Variants in NSUN3 observed in about 807,000 individuals in gnomAD.
NSUN3 encodes tRNA (cytosine(34)-C(5))-methyltransferase, mitochondrial.
NSUN3 carries 24 observed loss-of-function variants against 36.8 expected under a neutral mutation model. The observed-to-expected ratio is 0.65, with a 90% CI of 0.47 to 0.92. The LOEUF is 0.92. Among genes scored for constraint, NSUN3 ranks in the 40% least tolerant of loss-of-function variants. The pLI is 0.00. For missense variants in NSUN3, 381 were observed against 392.8 expected (o/e 0.97, Z 0.25); for synonymous variants, 146 against 145.2 (o/e 1.01, Z -0.04).
Position 94,131,701 on chromosome 3 carries a change from A to T in NSUN3, c.*5211A>T, listed in dbSNP as rs150169654. ...AGAGTAATTGATATTACTTTCTGTG[A>T]CACTGAGTTACTTTCAAAATAGCTT... On this transcript the variant is annotated 3_prime_UTR_variant, in exon 6 of 6. Coordinates refer to ENST00000314622, the MANE Select transcript of NSUN3 (RefSeq NM_022072.5). 7.5e-4 allele frequency among the ~76,000 whole-genome samples: 114 copies of T among 152,346 alleles called. 1 individual carries two copies. The highest frequency in any genetic ancestry group is 2.6e-3 in the African/African-American group (107 of 41,578).
intron 5 of NSUN3, among the ~76,000 whole-genome samples, chr3:94,114,964 T>C (rs2077433512): frequency 6.6e-6 from 1 of 152,130 alleles, no homozygotes; most frequent in African/African-American, 2.4e-5. Context: ...TTTTTCTTGC[T>C]GCTCTATTCT....
At chr3:94,114,632 A>G (rs950684861) in intron 5 of NSUN3, among the ~76,000 whole-genome samples, 1 of 152,142 alleles carries the variant, frequency 6.6e-6, no homozygotes, top group Non-Finnish European at 1.5e-5. Context: ...ATTGTATTTT[A>G]GATTCGGGGG....
chr3:94,096,855 C>G (rs1402241844), intron 5 of NSUN3, among the ~76,000 whole-genome samples: 2 of 152,112 alleles, frequency 1.3e-5, no homozygotes, highest in Non-Finnish European at 2.9e-5. Context: ...TTCCTTACAC[C>G]TGTAACAGAT....
At chr3:94,071,835 T>C (rs2077225615) in intron 2 of NSUN3, among the ~76,000 whole-genome samples, 1 of 152,104 alleles carries the variant, frequency 6.6e-6, no homozygotes, top group African/African-American at 2.4e-5. Context: ...ACATTCCCTC[T>C]ACTGCCTGCT....
chr3:94,068,533 A>T (rs1048611008), intron 2 of NSUN3, among the ~76,000 whole-genome samples: 2 of 152,222 alleles, frequency 1.3e-5, no homozygotes, highest in Middle Eastern at 3.2e-3. Flanking sequence ...AGCACTGAGA[A>T]TACAAAAATG....
intron 5 of NSUN3, among the ~76,000 whole-genome samples, chr3:94,124,668 C>T (rs553702313): frequency 6.6e-6 from 1 of 152,094 alleles, no homozygotes; most frequent in Non-Finnish European, 1.5e-5. Flanking sequence ...CTTTATGGAC[C>T]CTGTCTGTAA....
intron 5 of NSUN3, among the ~76,000 whole-genome samples, chr3:94,106,134 A>G (rs2077387861): frequency 6.6e-6 from 1 of 152,170 alleles, no homozygotes; most frequent in East Asian, 1.9e-4. Context: ...CCAATAATAA[A>G]TATGTTAAAA....
At chr3:94,125,432 T>A (rs1029354573) in intron 5 of NSUN3, among the ~76,000 whole-genome samples, 2 of 152,158 alleles carry the variant, frequency 1.3e-5, no homozygotes, top group Non-Finnish European at 2.9e-5. Flanking sequence ...GATCTTTGAT[T>A]TGGGGTCTAA....
chr3:94,101,311 T>G (rs1028869480), intron 5 of NSUN3, among the ~76,000 whole-genome samples: 3 of 152,150 alleles, frequency 2.0e-5, no homozygotes, highest in Non-Finnish European at 4.4e-5. Context: ...AATTTTTTTT[T>G]TAAACTGTTA....
At chr3:94,116,142 G>A (rs912607093) in intron 5 of NSUN3, among the ~76,000 whole-genome samples, 2 of 152,010 alleles carry the variant, frequency 1.3e-5, no homozygotes, top group Non-Finnish European at 2.9e-5. Context: ...CTATCCTTTA[G>A]TTGGAAGCCT....
intron 2 of NSUN3, among the ~76,000 whole-genome samples, chr3:94,077,471 T>C (rs549685793): frequency 7.5e-4 from 114 of 152,290 alleles, no homozygotes; most frequent in African/African-American, 2.7e-3. Context: ...TTAGGGAGGA[T>C]TCCCTCTTTT....
chr3:94,126,730 C>A lies in NSUN3; in HGVS notation c.*240C>A. ...ATGGTGTTTGTTCTATATTATAAAT[C>A]TGCTGTCTTTGCTTGGCATTTTATA... On this transcript the variant is annotated 3_prime_UTR_variant, in exon 6 of 6. Transcript: ENST00000314622. The A allele has an allele frequency of 2.5e-6, 1 of 398,668 alleles. No homozygotes were observed. The highest frequency in any genetic ancestry group is 4.5e-6 in the Non-Finnish European group (1 of 223,928). The allele number at this position is 398,668 out of a possible 1,614,324, so 24.7% of individuals were successfully genotyped here. A position where few individuals can be genotyped will look rare whatever the true frequency, so the allele number is the denominator to read the frequency against.
At chr3:94,093,534 A>G (rs1021265517) in intron 3 of NSUN3, among the ~76,000 whole-genome samples, 1 of 152,060 alleles carries the variant, frequency 6.6e-6, no homozygotes, top group Non-Finnish European at 1.5e-5. Context: ...GCTGGGAGAA[A>G]GAATAAATAA....
In NSUN3 at chr3:94,084,202, G is replaced by A; in HGVS notation, c.218G>A (p.Gly73Asp). 1 of 1,614,038 alleles carries A rather than the reference G, an allele frequency of 6.2e-7. No individual in the cohort carries two copies. Among genetic ancestry groups the A allele is most frequent in the Non-Finnish European group, 8.5e-7 (1 of 1,179,968 alleles). Residue 73 changes from glycine to aspartate, a missense_variant, in exon 3 of 6, where the codon GGC (glycine) becomes GAC (aspartate). Coordinates refer to ENST00000314622, the MANE Select transcript of NSUN3 (RefSeq NM_022072.5). ...CTGGAAAAGGATTTACATTTGAAGG[G>A]CTATCACACACTCTCTCAGGGATCT... ...FELEKDLHLKGYHTLSQGSLP... is the reference protein window; with the variant it reads ...FELEKDLHLKDYHTLSQGSLP...
chr3:94,122,163 A>C (rs2077465687), intron 5 of NSUN3, among the ~76,000 whole-genome samples: 2 of 152,108 alleles, frequency 1.3e-5, no homozygotes, highest in South Asian at 4.2e-4. Context: ...AAAAAAAAAA[A>C]AAAAAAAACA....
At chr3:94,116,053 T>C (rs914424261) in intron 5 of NSUN3, among the ~76,000 whole-genome samples, 2 of 152,234 alleles carry the variant, frequency 1.3e-5, no homozygotes, top group African/African-American at 2.4e-5. Flanking sequence ...ATTGAACTTA[T>C]GCTATAATTA....
At chr3:94,109,273 A>T (rs2077405480) in intron 5 of NSUN3, among the ~76,000 whole-genome samples, 1 of 152,208 alleles carries the variant, frequency 6.6e-6, no homozygotes, top group African/African-American at 2.4e-5. Context: ...GAACTTTCTG[A>T]GCATCTAGAA....
Position 94,083,881 on chromosome 3 carries a change from C to T in NSUN3, c.123-226C>T, listed in dbSNP as rs759947890. On this transcript the variant is annotated intron_variant, in intron 2 of 5. Transcript: ENST00000314622. ...TTAGTTTTTGAAAAGCCACAGTGAA[C>T]GAAATACCAGTTTTTAAAATAAAGA... 7.9e-5 allele frequency among the ~76,000 whole-genome samples: 12 copies of T among 152,016 alleles called. No individual in the cohort carries two copies. In the South Asian group the frequency reaches 8.3e-4, roughly 11 times the overall value.
intron 5 of NSUN3, among the ~76,000 whole-genome samples, chr3:94,109,291 G>T (rs1398301847): frequency 6.6e-6 from 1 of 152,124 alleles, no homozygotes. Flanking sequence ...GAAAGAAGAG[G>T]CAAATAATTT....
Sources: gnomAD v4.1 joint callset for allele counts (sites outside exome capture counted in the v4.1 genomes callset) on GRCh38, gnomAD v4.1.1 for gene constraint, MANE v1.5 for transcripts, NCBI Gene and HGNC (gene_info 2026-07-23, HGNC 2026-07-21) for gene names.